Variants in SIAH1 observed in about 807,000 individuals in gnomAD.
SIAH1 encodes siah E3 ubiquitin protein ligase 1, also known as E3 ubiquitin-protein ligase SIAH1.
In SIAH1, 2 loss-of-function variants were observed where a neutral mutation model predicts 20.0. That is an observed-to-expected ratio of 0.10 (90% CI 0.04 to 0.31). The LOEUF (loss-of-function observed/expected upper bound fraction) is 0.31. SIAH1 is among the 10% of genes least tolerant of loss of function. The pLI, the probability that SIAH1 is intolerant of heterozygous loss-of-function variation, is 1.00. For missense variants in SIAH1, 119 were observed against 355.3 expected (o/e 0.33, Z 5.35); for synonymous variants, 118 against 125.3 (o/e 0.94, Z 0.39).
intron 1 of SIAH1, chr16:48,365,092 T>C: frequency 6.1e-6 from 2 of 328,186 alleles, no homozygotes; most frequent in South Asian, 6.2e-5. Flanking sequence ...GGACAGCAAC[T>C]GCTAAAGCCT....
At chr16:48,380,851 C>T (rs112385148) in intron 1 of SIAH1, among the ~76,000 whole-genome samples, 2,487 of 136,096 alleles carry the variant, frequency 0.018, 58 homozygotes, top group African/African-American at 0.062. Context: ...ATCACTTGAA[C>T]CTGGGATGTG....
intron 1 of SIAH1, among the ~76,000 whole-genome samples, chr16:48,370,360 G>A (rs1460310870): frequency 2.0e-5 from 3 of 151,842 alleles, no homozygotes; most frequent in Non-Finnish European, 2.9e-5. Flanking sequence ...TAGTCTCAAC[G>A]GGTTCCAGAG....
chr16:48,378,484 G>A (rs147717081), intron 1 of SIAH1, among the ~76,000 whole-genome samples: 4 of 152,232 alleles, frequency 2.6e-5, no homozygotes, highest in African/African-American at 7.2e-5. Context: ...TGAAGGGGGC[G>A]GCTCCTTGTT....
intron 1 of SIAH1, among the ~76,000 whole-genome samples, chr16:48,369,639 G>T (rs1258298580): frequency 1.3e-5 from 2 of 152,194 alleles, no homozygotes; most frequent in Non-Finnish European, 1.5e-5. Flanking sequence ...CTATTTGGGA[G>T]GCTGAGGTGG....
rs140438377 is a variant in SIAH1, at chr16:48,382,048, C to T, written c.-3+3156G>A. ...AAATAAAGTCAATTAAAAAAATCTGCATAAGGGGATATATGGGTCTACATC... is the reference window on the plus strand; with the variant it reads ...AAATAAAGTCAATTAAAAAAATCTGTATAAGGGGATATATGGGTCTACATC... On this transcript the variant is annotated intron_variant, in intron 1 of 1. Transcript: ENST00000394725. Among the ~76,000 whole-genome samples the T allele has an allele frequency of 3.0e-3, 463 of 152,194 alleles. 2 individuals carry two copies. Among genetic ancestry groups the T allele is most frequent in the African/African-American group, 0.011 (439 of 41,526 alleles).
chr16:48,375,188 G>C (rs1961077067), intron 1 of SIAH1, among the ~76,000 whole-genome samples: 1 of 152,124 alleles, frequency 6.6e-6, no homozygotes, highest in African/African-American at 2.4e-5. Context: ...AGTGTGTATG[G>C]ATGCCTGTTT....
intron 1 of SIAH1, among the ~76,000 whole-genome samples, chr16:48,381,231 G>A (rs1961281917): frequency 6.6e-6 from 1 of 152,126 alleles, no homozygotes; most frequent in African/African-American, 2.4e-5. Context: ...TGTAATCCCA[G>A]CTACTCAGGA....
intron 1 of SIAH1, chr16:48,365,566 C>A: frequency 6.6e-7 from 1 of 1,521,916 alleles, no homozygotes; most frequent in East Asian, 2.4e-5. Context: ...ACAGAAGACC[C>A]AAATTCGCGT....
At chr16:48,370,501 A>C (rs1960955551) in intron 1 of SIAH1, among the ~76,000 whole-genome samples, 1 of 152,184 alleles carries the variant, frequency 6.6e-6, no homozygotes. Flanking sequence ...CCAAAGTTAG[A>C]CATTTATCCC....
At chr16:48,370,591 G>C (rs1960958239) in intron 1 of SIAH1, among the ~76,000 whole-genome samples, 1 of 152,006 alleles carries the variant, frequency 6.6e-6, no homozygotes, top group African/African-American at 2.4e-5. Flanking sequence ...GGCTGAGGTG[G>C]GCGGATCATG....
intron 1 of SIAH1, among the ~76,000 whole-genome samples, chr16:48,382,229 T>A (rs988923252): frequency 2.0e-5 from 3 of 151,882 alleles, no homozygotes; most frequent in African/African-American, 7.3e-5. Flanking sequence ...AAAATAACTT[T>A]TTAAAAAATT....
At chr16:48,382,265 T>G (rs1961315638) in intron 1 of SIAH1, among the ~76,000 whole-genome samples, 1 of 152,066 alleles carries the variant, frequency 6.6e-6, no homozygotes, top group Non-Finnish European at 1.5e-5. Flanking sequence ...CACATGCTCC[T>G]AGTCCCAGCC....
At chr16:48,377,295 ACATGACTGGGCAAC>A (rs1442651481) in intron 1 of SIAH1, among the ~76,000 whole-genome samples, 2 of 152,194 alleles carry the variant, frequency 1.3e-5, no homozygotes, top group Non-Finnish European at 2.9e-5. Context: ...GTCAGTTCAA[ACATGACTGGGCAAC>A]CACAAACCTA....
At chr16:48,379,750 C>T (rs980190216) in intron 1 of SIAH1, among the ~76,000 whole-genome samples, 3 of 152,142 alleles carry the variant, frequency 2.0e-5, no homozygotes, top group African/African-American at 7.2e-5. Flanking sequence ...ACAGAGATGA[C>T]ATCCAATTCA....
intron 1 of SIAH1, among the ~76,000 whole-genome samples, chr16:48,381,049 A>C (rs1961275378): frequency 6.6e-6 from 1 of 152,132 alleles, no homozygotes; most frequent in African/African-American, 2.4e-5. Context: ...TGGTACAGCC[A>C]ATCTGGAAGA....
At chr16:48,378,417 G>C (rs1442543386) in intron 1 of SIAH1, among the ~76,000 whole-genome samples, 1 of 152,100 alleles carries the variant, frequency 6.6e-6, no homozygotes, top group East Asian at 1.9e-4. Context: ...ATTCATATAA[G>C]GCACAAAATT....
rs375249454 is a variant in SIAH1, at chr16:48,360,989, A to C, written c.*591T>G. On this transcript the variant is annotated 3_prime_UTR_variant, in exon 2 of 2. Coordinates refer to ENST00000394725, the MANE Select transcript of SIAH1 (RefSeq NM_003031.4). Reference sequence around the variant, plus strand: ...GAACACGTTATAAATTTTTTACCATAAACAAATATGCATATCAAAAGATAC... The same window carrying C: ...GAACACGTTATAAATTTTTTACCATCAACAAATATGCATATCAAAAGATAC... 2 of 152,278 alleles carry C rather than the reference A, an allele frequency of 1.3e-5. No homozygotes were observed. The highest frequency in any genetic ancestry group is 2.9e-5 in the Non-Finnish European group (2 of 68,058). The allele number at this position is 152,278 out of a possible 1,614,324, so 9.4% of individuals were successfully genotyped here.
At chr16:48,379,402 A>G (rs983075176) in intron 1 of SIAH1, among the ~76,000 whole-genome samples, 1 of 152,254 alleles carries the variant, frequency 6.6e-6, no homozygotes, top group Admixed American at 6.5e-5. Flanking sequence ...ATGCTAAAGC[A>G]GTGTTCAAGG....
At chr16:48,377,585 G>C (rs1159414209) in intron 1 of SIAH1, among the ~76,000 whole-genome samples, 2 of 151,946 alleles carry the variant, frequency 1.3e-5, no homozygotes, top group Non-Finnish European at 2.9e-5. Context: ...GACAAGGACA[G>C]GGCTTCACCA....
Sources: allele counts gnomAD v4.1 joint callset (sites outside exome capture counted in the v4.1 genomes callset), GRCh38; gene constraint gnomAD v4.1.1; transcripts MANE v1.5; gene names NCBI Gene and HGNC (gene_info 2026-07-23, HGNC 2026-07-21).